NCOA7: variants seen among roughly 807,000 people sequenced by gnomAD.
NCOA7 encodes the protein 140 kDa estrogen receptor-associated protein.
Under a neutral mutation model 104.3 loss-of-function variants are expected in NCOA7, and 45 were observed. The observed-to-expected ratio is 0.43, with a 90% CI of 0.34 to 0.55. NCOA7 has a LOEUF of 0.55. NCOA7 is among the 20% of genes least tolerant of loss of function. NCOA7 has a pLI of 0.02. For synonymous variants in NCOA7, 398 were observed against 402.3 expected (o/e 0.99, Z 0.13); for missense variants, 1,041 against 1,119.7 (o/e 0.93, Z 1.00).
At position 125,853,688 on chromosome 6, in the gene NCOA7, T is replaced by G. The variant is rs1033092194; in HGVS notation, c.51-1332T>G. 3.3e-5 allele frequency among the ~76,000 whole-genome samples: 5 copies of G among 152,234 alleles called. 1 individual carries two copies. The highest frequency in any genetic ancestry group is 3.3e-4 in the Admixed American group (5 of 15,278). On this transcript the variant is annotated intron_variant, in intron 2 of 15. Coordinates refer to ENST00000392477, the MANE Select transcript of NCOA7 (RefSeq NM_181782.5). ...ACCATGCTTAGTTGTCATGTCTTTA[T>G]GATTGTATTAGGGGATATTTTACTA...
intron 1 of NCOA7, among the ~76,000 whole-genome samples, chr6:125,803,907 A>G (rs952031149): frequency 6.6e-6 from 1 of 152,184 alleles, no homozygotes; most frequent in Non-Finnish European, 1.5e-5. Context: ...ACAAATAGTA[A>G]TAAGTAGTAA....
At chr6:125,811,553 G>A (rs62425940) in intron 1 of NCOA7, among the ~76,000 whole-genome samples, 40 of 152,146 alleles carry the variant, frequency 2.6e-4, no homozygotes, top group Non-Finnish European at 4.4e-4. Context: ...ATTGGGCCTT[G>A]TCAGAAGGAG....
At chr6:125,908,865 C>T (rs1786266483) in intron 10 of NCOA7, among the ~76,000 whole-genome samples, 1 of 152,268 alleles carries the variant, frequency 6.6e-6, no homozygotes, top group Non-Finnish European at 1.5e-5. Flanking sequence ...AATTGACCTG[C>T]ACTTTTCACA....
At chr6:125,884,299 GC>G (rs1391590850) in intron 7 of NCOA7, among the ~76,000 whole-genome samples, 1 of 152,136 alleles carries the variant, frequency 6.6e-6, no homozygotes, top group Non-Finnish European at 1.5e-5. Context: ...GAATAATGCT[GC>G]AAATAAACAT....
intron 11 of NCOA7, among the ~76,000 whole-genome samples, chr6:125,918,458 T>C (rs940223527): frequency 8.5e-5 from 13 of 152,164 alleles, no homozygotes; most frequent in Non-Finnish European, 1.9e-4. Context: ...GTCTTCTTTA[T>C]AACCCCCAGT....
chr6:125,784,856 G>A (rs1200743502), intron 1 of NCOA7, among the ~76,000 whole-genome samples: 1 of 152,146 alleles, frequency 6.6e-6, no homozygotes, highest in Non-Finnish European at 1.5e-5. Context: ...GAGATTAGTG[G>A]TTGCCAGAAA....
chr6:125,797,507 A>G (rs923380152), intron 1 of NCOA7, among the ~76,000 whole-genome samples: 3 of 152,208 alleles, frequency 2.0e-5, no homozygotes, highest in Non-Finnish European at 4.4e-5. Flanking sequence ...AATTTGTGAG[A>G]TGAATCCAAA....
intron 14 of NCOA7, 75 bp from the exon 15 acceptor site, chr6:125,928,099 T>C (rs543925067): frequency 1.5e-6 from 2 of 1,337,376 alleles, no homozygotes; most frequent in Non-Finnish European, 2.1e-6. Flanking sequence ...TACATATAGA[T>C]ACTATTTCAT....
intron 10 of NCOA7, among the ~76,000 whole-genome samples, chr6:125,905,351 G>A (rs1452278041): frequency 6.6e-6 from 1 of 151,670 alleles, no homozygotes; most frequent in Non-Finnish European, 1.5e-5. Flanking sequence ...ATGCCTCCGG[G>A]GTTCAAGTGA....
intron 3 of NCOA7, among the ~76,000 whole-genome samples, chr6:125,871,327 T>C (rs1782879032): frequency 6.6e-6 from 1 of 152,224 alleles, no homozygotes; most frequent in Non-Finnish European, 1.5e-5. Flanking sequence ...CCATGGCAGC[T>C]CATGCCTCGT....
intron 10 of NCOA7, among the ~76,000 whole-genome samples, chr6:125,907,811 C>T (rs1786162490): frequency 6.6e-6 from 1 of 152,102 alleles, no homozygotes; most frequent in Non-Finnish European, 1.5e-5. Flanking sequence ...AGTTACTGTA[C>T]AATGTAAGGT....
chr6:125,870,267 A>G (rs1320451395), intron 3 of NCOA7, among the ~76,000 whole-genome samples: 2 of 152,100 alleles, frequency 1.3e-5, no homozygotes, highest in Non-Finnish European at 1.5e-5. Context: ...TTAGTAGATG[A>G]CCTTACCCCT....
chr6:125,828,665 C>T (rs1399514521), intron 2 of NCOA7, among the ~76,000 whole-genome samples: 1 of 152,104 alleles, frequency 6.6e-6, no homozygotes, highest in Non-Finnish European at 1.5e-5. Context: ...TACTTAATGC[C>T]ATGAGGATAT....
At chr6:125,918,910 T>G (rs1275358635) in intron 11 of NCOA7, among the ~76,000 whole-genome samples, 1 of 151,940 alleles carries the variant, frequency 6.6e-6, no homozygotes, top group East Asian at 1.9e-4. Flanking sequence ...ACGTACCATT[T>G]TAAATGGAGC....
At chr6:125,787,945 CTT>C (rs1254423048), upstream of NCOA7, among the ~76,000 whole-genome samples, 1 of 152,160 alleles carries the variant, frequency 6.6e-6, no homozygotes, top group Non-Finnish European at 1.5e-5. Flanking sequence ...AAAGCATATC[CTT>C]TACGGATAAA....
At chr6:125,907,615 T>C (rs1436647419) in intron 10 of NCOA7, among the ~76,000 whole-genome samples, 1 of 152,174 alleles carries the variant, frequency 6.6e-6, no homozygotes, top group Non-Finnish European at 1.5e-5. Flanking sequence ...GATCTGACTA[T>C]GGACAGATAC....
chr6:125,887,105 G>A (rs139650218), intron 8 of NCOA7, among the ~76,000 whole-genome samples: 3 of 152,250 alleles, frequency 2.0e-5, no homozygotes, highest in Non-Finnish European at 4.4e-5. Flanking sequence ...CTCAAGTGGG[G>A]AATGGACAGT....
chr6:125,815,106 A>C (rs934366858), intron 1 of NCOA7, 185 bp from the exon 2 acceptor site: 3 of 311,894 alleles, frequency 9.6e-6, no homozygotes, highest in Non-Finnish European at 1.8e-5. Flanking sequence ...ATAGTTTAAC[A>C]TCTCCATTCT....
intron 2 of NCOA7, among the ~76,000 whole-genome samples, chr6:125,842,423 G>A (rs1286775597): frequency 5.9e-5 from 9 of 152,106 alleles, no homozygotes; most frequent in Admixed American, 1.3e-4. Flanking sequence ...ATATATTGCT[G>A]TTGTAGCAAA....
Sources: allele counts gnomAD v4.1 joint callset (sites outside exome capture counted in the v4.1 genomes callset), GRCh38; gene constraint gnomAD v4.1.1; transcripts MANE v1.5; gene names NCBI Gene and HGNC (gene_info 2026-07-23, HGNC 2026-07-21).